ABCG2: variants seen among roughly 807,000 people sequenced by gnomAD.
The protein encoded by ABCG2 is broad substrate specificity ATP-binding cassette transporter ABCG2.
ABCG2 carries 80 observed loss-of-function variants against 73.5 expected under a neutral mutation model. The observed-to-expected ratio is 1.09, with a 90% CI of 0.91 to 1.31. The LOEUF (loss-of-function observed/expected upper bound fraction) is 1.31. Among genes scored for constraint, ABCG2 ranks in the 50% most tolerant of loss-of-function variants. ABCG2 has a pLI of 0.00. For synonymous variants in ABCG2, 269 were observed against 282.4 expected, an observed-to-expected ratio of 0.95 and a Z score of 0.48; for missense variants, 796 against 786.2, an observed-to-expected ratio of 1.01 and a Z score of -0.15.
chr4:88,211,097 T>TA lies in ABCG2; in HGVS notation c.-20+19896dup, dbSNP rs1729570788. Among the ~76,000 whole-genome samples the TA allele has an allele frequency of 3.3e-5, 5 of 150,222 alleles. No individual in the cohort carries two copies. The South Asian group carries it at 1.1e-3, about 32-fold the overall frequency. On this transcript the variant is annotated intron_variant, in intron 1 of 15. Transcript: ENST00000515655. ...AGAGAGGCTTGGTCCCTAAAAAAAT[T>TA]AAAAAATAAAAAAAATATATATATA...
At chr4:88,160,848 CAAAAAAAAAAAAAA>C (rs765758097), upstream of ABCG2, among the ~76,000 whole-genome samples, 1 of 37,460 alleles carries the variant, frequency 2.7e-5, no homozygotes, top group South Asian at 1.1e-3. Flanking sequence ...GACTCCATCT[CAAAAAAAAAAAAAA>C]AAAAAAAAAA....
chr4:88,190,332 A>C (rs1728636923), intron 1 of ABCG2, among the ~76,000 whole-genome samples: 1 of 152,042 alleles, frequency 6.6e-6, no homozygotes, highest in Admixed American at 6.6e-5. Flanking sequence ...TTCTATCTGA[A>C]CTCATCAGTC....
intron 7 of ABCG2, among the ~76,000 whole-genome samples, 167 bp from the exon 8 acceptor site, chr4:88,115,225 A>C (rs1723454829): frequency 3.6e-5 from 1 of 27,764 alleles, no homozygotes; most frequent in African/African-American, 1.5e-4. Flanking sequence ...TTCTTTTTAT[A>C]TATTCAGTCT....
intron 1 of ABCG2, among the ~76,000 whole-genome samples, chr4:88,149,331 A>C (rs1726281818): frequency 6.6e-6 from 1 of 152,270 alleles, no homozygotes; most frequent in South Asian, 2.1e-4. Flanking sequence ...AAATTAGACC[A>C]AGTGCAATTT....
At chr4:88,176,503 C>G (rs1226476547) in intron 1 of ABCG2, among the ~76,000 whole-genome samples, 1 of 97,224 alleles carries the variant, frequency 1.0e-5, no homozygotes, top group Admixed American at 1.4e-4. Context: ...TTTTTTGTGA[C>G]AGGGTCTCAC....
intron 2 of ABCG2, among the ~76,000 whole-genome samples, chr4:88,137,012 C>CAATAAAATATAAAATAA (rs71594832): frequency 3.2e-5 from 4 of 123,414 alleles, no homozygotes; most frequent in Non-Finnish European, 7.0e-5. Context: ...ACCTCCATCT[C>CAATAAAATATAAAATAA]AATAAAATAA....
chr4:88,155,627 G>A (rs573332765), intron 1 of ABCG2, among the ~76,000 whole-genome samples: 3 of 152,176 alleles, frequency 2.0e-5, no homozygotes, highest in African/African-American at 7.2e-5. Context: ...ACTCTAGGCC[G>A]GGCACGGTGG....
chr4:88,226,047 A>C (rs1730199681), intron 1 of ABCG2, among the ~76,000 whole-genome samples: 1 of 152,180 alleles, frequency 6.6e-6, no homozygotes, highest in South Asian at 2.1e-4. Flanking sequence ...TATGGGAGCT[A>C]CAATTCAAAA....
chr4:88,100,675 G>C (rs1486303882), intron 11 of ABCG2, among the ~76,000 whole-genome samples: 1 of 151,756 alleles, frequency 6.6e-6, no homozygotes, highest in Admixed American at 6.6e-5. Context: ...TAAATAAATA[G>C]GAAAATACAA....
intron 1 of ABCG2, among the ~76,000 whole-genome samples, chr4:88,210,137 T>C (rs928775456): frequency 2.0e-5 from 3 of 152,080 alleles, no homozygotes; most frequent in African/African-American, 7.2e-5. Context: ...ATGTTTTGAT[T>C]GAATTAGATA....
chr4:88,113,417 C>T lies in ABCG2; in HGVS notation c.1080G>A (p.Lys360=). ...AGCTGATCTCCTTGAAGACTGTGAT[C>T]TTCTTCTTCTTCTCACCCCCGGAAA... ...HQLSGGEKKK[K]ITVFKEISYT... Residue 360 remains lysine (K), a synonymous_variant, in exon 9 of 16, where the codon AAG becomes AAA. Coordinates refer to ENST00000237612, the MANE Select transcript of ABCG2 (RefSeq NM_004827.3). The T allele has an allele frequency of 6.2e-7, 1 of 1,605,278 alleles. No individual in the cohort carries two copies. The highest frequency in any genetic ancestry group is 8.5e-7 in the Non-Finnish European group (1 of 1,175,520).
At chr4:88,138,854 A>T (rs990773673) in intron 2 of ABCG2, among the ~76,000 whole-genome samples, 4 of 150,740 alleles carry the variant, frequency 2.7e-5, no homozygotes, top group African/African-American at 9.8e-5. Flanking sequence ...ATTTGACCAT[A>T]AAAAAAAATG....
At chr4:88,139,713 TTTCTTGGAAATAGCCAAAACCTGTGAGG>T in intron 2 of ABCG2, 52 bp downstream of exon 2, 2 of 1,252,144 alleles carry the variant, frequency 1.6e-6, no homozygotes, top group Non-Finnish European at 2.2e-6. Context: ...TCATAGCCAG[TTTCTTGGAAATAGCCAAAACCTGTGAGG>T]TTCACTGTAG....
intron 1 of ABCG2, among the ~76,000 whole-genome samples, chr4:88,174,522 A>G (rs925028537): frequency 3.9e-5 from 6 of 152,152 alleles, no homozygotes; most frequent in Non-Finnish European, 8.8e-5. Context: ...ATGGCCACAT[A>G]GTATTACAGA....
chr4:88,149,630 T>A (rs1216744552), intron 1 of ABCG2, among the ~76,000 whole-genome samples: 1 of 151,978 alleles, frequency 6.6e-6, no homozygotes, highest in African/African-American at 2.4e-5. Context: ...GGCAGGCGGA[T>A]CACATGAGGT....
At chr4:88,160,560 T>C (rs892079139), upstream of ABCG2, among the ~76,000 whole-genome samples, 4 of 151,734 alleles carry the variant, frequency 2.6e-5, no homozygotes, top group Non-Finnish European at 5.9e-5. Context: ...CAAAACCCTA[T>C]ACATAGAGGC....
At chr4:88,159,022 G>T (rs1056519303), upstream of ABCG2, 1 of 390,816 alleles carries the variant, frequency 2.6e-6, no homozygotes, top group Non-Finnish European at 5.1e-6. Context: ...GGCTGAAAGC[G>T]CACACGTGTC....
chr4:88,132,762 C>T, intron 2 of ABCG2, 127 bp from the exon 3 acceptor site: 1 of 1,058,690 alleles, frequency 9.4e-7, no homozygotes, highest in Admixed American at 2.1e-5. Context: ...CACAAACCAA[C>T]TCTTAAAGAA....
chr4:88,149,780 G>A (rs1436287444), intron 1 of ABCG2, among the ~76,000 whole-genome samples: 2 of 152,168 alleles, frequency 1.3e-5, no homozygotes, highest in African/African-American at 4.8e-5. Context: ...GAACCTGGGA[G>A]GCAGAGGTTG....
Sources: gnomAD v4.1 joint callset for allele counts (sites outside exome capture counted in the v4.1 genomes callset) on GRCh38, gnomAD v4.1.1 for gene constraint, MANE v1.5 for transcripts, NCBI Gene and HGNC (gene_info 2026-07-23, HGNC 2026-07-21) for gene names.